ADAM10: variants seen among roughly 807,000 people sequenced by gnomAD.
The protein encoded by ADAM10 is disintegrin and metalloproteinase domain-containing protein 10.
A neutral mutation model predicts 90.1 loss-of-function variants in ADAM10; 17 were observed. The observed-to-expected ratio is 0.19, with a 90% CI of 0.13 to 0.28. The LOEUF is 0.28. Ranked by LOEUF, ADAM10 falls within the 10% of genes least tolerant of loss-of-function variation. ADAM10 has a pLI of 1.00. For missense variants in ADAM10, 610 were observed against 914.3 expected, an observed-to-expected ratio of 0.67 and a Z score of 4.29; for synonymous variants, 310 against 298.6, an observed-to-expected ratio of 1.04 and a Z score of -0.40.
chr15:58,664,984 C>T (rs537861179), intron 5 of ADAM10, 113 bp downstream of exon 5: 1 of 859,440 alleles, frequency 1.2e-6, no homozygotes, highest in South Asian at 1.4e-5. Flanking sequence ...AAAAACATTC[C>T]CCACAGTGGT....
chr15:58,737,544 T>G (rs1899471028), intron 1 of ADAM10, among the ~76,000 whole-genome samples: 1 of 152,136 alleles, frequency 6.6e-6, no homozygotes, highest in African/African-American at 2.4e-5. Flanking sequence ...CCCTCCCTGA[T>G]CCTCCTCTCT....
intron 1 of ADAM10, among the ~76,000 whole-genome samples, chr15:58,745,742 CAAAAA>C (rs1899770720): frequency 6.6e-6 from 1 of 151,992 alleles, no homozygotes. Flanking sequence ...AAGCAGGTAA[CAAAAA>C]TGAGTGAAAA....
At position 58,643,929 on chromosome 15, in the gene ADAM10, A is replaced by C; in HGVS notation, c.785T>G (p.Phe262Cys). The change falls in exon 7 of 16, where the codon TTC (phenylalanine) becomes TGC (cysteine). Residue 262 changes from phenylalanine (F) to cysteine (C), a missense_variant. Transcript: ENST00000260408. ...AIDTIYQTTDFSGIRNISFMV... is the reference protein window; with the variant it reads ...AIDTIYQTTDCSGIRNISFMV... ...GAAACTGATGTTACGGATTCCGGAG[A>C]AGTCTGTGGTCTGGTAAATTGTATC... 1 of 1,613,654 alleles carries C rather than the reference A, an allele frequency of 6.2e-7. No individual in the cohort carries two copies.
At chr15:58,688,624 T>G (rs1897676357) in intron 2 of ADAM10, among the ~76,000 whole-genome samples, 1 of 148,152 alleles carries the variant, frequency 6.7e-6, no homozygotes, top group South Asian at 2.1e-4. Context: ...GGGGAAAATA[T>G]AAGCACAATA....
intron 2 of ADAM10, among the ~76,000 whole-genome samples, chr15:58,688,824 G>A (rs1375014047): frequency 7.2e-6 from 1 of 138,220 alleles, no homozygotes; most frequent in African/African-American, 2.8e-5. Context: ...GAGCAGATGA[G>A]ATACTGCAAG....
intron 12 of ADAM10, chr15:58,611,573 C>T: frequency 2.1e-6 from 1 of 483,210 alleles, no homozygotes; most frequent in Non-Finnish European, 3.6e-6. Flanking sequence ...AATCACATGC[C>T]GAGTTGTACA....
intron 2 of ADAM10, among the ~76,000 whole-genome samples, chr15:58,716,041 G>C (rs949699379): frequency 6.6e-6 from 1 of 152,044 alleles, no homozygotes; most frequent in Non-Finnish European, 1.5e-5. Context: ...AAAAGACCCT[G>C]AAATAAATCT....
At chr15:58,714,769 A>G (rs542613668) in intron 2 of ADAM10, among the ~76,000 whole-genome samples, 39 of 152,184 alleles carry the variant, frequency 2.6e-4, no homozygotes, top group African/African-American at 9.4e-4. Flanking sequence ...TTATTAACAA[A>G]TAATAAATAA....
At chr15:58,682,386 T>C in intron 2 of ADAM10, 72 bp from the exon 3 acceptor site, 1 of 1,552,400 alleles carries the variant, frequency 6.4e-7, no homozygotes, top group South Asian at 1.2e-5. Flanking sequence ...TATTTTTTAT[T>C]TTAAAAAGTC....
intron 2 of ADAM10, among the ~76,000 whole-genome samples, chr15:58,708,086 C>T (rs896815289): frequency 6.6e-6 from 1 of 151,452 alleles, no homozygotes; most frequent in Non-Finnish European, 1.5e-5. Context: ...CAAAAAAAAA[C>T]AAAAACAAAA....
chr15:58,627,480 G>A (rs751838561), intron 10 of ADAM10, among the ~76,000 whole-genome samples: 2 of 152,096 alleles, frequency 1.3e-5, no homozygotes, highest in African/African-American at 4.8e-5. Context: ...AAAATGTTTA[G>A]GTGTGAAGTA....
At position 58,646,123 on chromosome 15, in the gene ADAM10, G is replaced by C. The variant is rs771723938; in HGVS notation, c.667C>G (p.Gln223Glu). 2 of 1,613,696 alleles carry C rather than the reference G, an allele frequency of 1.2e-6. No individual in the cohort carries two copies. The highest frequency in any genetic ancestry group is 1.7e-6 in the Non-Finnish European group (2 of 1,179,810). Residue 223 changes from glutamine to glutamate, a missense_variant, in exon 6 of 16, where the codon CAG becomes GAG. Gln to Glu is a conservative substitution (Grantham distance 29). Transcript: ENST00000260408. ...RTTSAEKNTC[Q>E]LYIQTDHLFF... is the part of the protein sequence containing the mutation. ...AAATGATCAGTCTGAATATAAAGCT[G>C]ACAAGTATTTTTTTCAGCTGAAGTT... is the stretch of plus-strand genomic sequence containing the variant.
intron 6 of ADAM10, 99 bp from the exon 7 acceptor site, chr15:58,644,077 A>T: frequency 1.1e-6 from 1 of 870,296 alleles, no homozygotes; most frequent in Non-Finnish European, 1.9e-6. Context: ...ATGTCCTGCC[A>T]CATTCAAATT....
At chr15:58,669,734 T>C (rs957158928) in intron 4 of ADAM10, among the ~76,000 whole-genome samples, 1 of 152,248 alleles carries the variant, frequency 6.6e-6, no homozygotes, top group Admixed American at 6.5e-5. Context: ...AAAATGTCCA[T>C]TAACAGGCAA....
chr15:58,621,530 G>A lies in ADAM10; in HGVS notation c.1452C>T (p.Cys484=). 1.2e-6 allele frequency: 2 copies of A among 1,614,106 alleles called. No homozygotes were observed. The highest frequency in any genetic ancestry group is 1.1e-5 in the South Asian group (1 of 91,080). The change falls in exon 11 of 16, where the codon TGC becomes TGT. Residue 484 remains cysteine (C), a synonymous_variant. Transcript: ENST00000260408. The part of the protein sequence containing the change: ...GYSDQCKDEC[C]FDANQPEGRK... ...TTCCCTCTGGTTGATTTGCATCGAA[G>A]CAGCATTCATCTTTACACTGGTCAC...
intron 1 of ADAM10, among the ~76,000 whole-genome samples, chr15:58,728,436 GA>G (rs1899114101): frequency 6.6e-6 from 1 of 151,918 alleles, no homozygotes; most frequent in Non-Finnish European, 1.5e-5. Flanking sequence ...AAGCTGACTA[GA>G]TTTTTTTTTA....
At chr15:58,687,039 G>C (rs773493315) in intron 2 of ADAM10, among the ~76,000 whole-genome samples, 11 of 152,132 alleles carry the variant, frequency 7.2e-5, no homozygotes, top group Non-Finnish European at 1.3e-4. Flanking sequence ...GTTGTTCCTG[G>C]AAGATATTTA....
chr15:58,717,901 G>A (rs1237539141), intron 1 of ADAM10, among the ~76,000 whole-genome samples, 174 bp from the exon 2 acceptor site: 13 of 152,246 alleles, frequency 8.5e-5, no homozygotes, highest in Admixed American at 2.6e-4. Flanking sequence ...TATTGTGAGG[G>A]TAATTCCAAC....
intron 2 of ADAM10, among the ~76,000 whole-genome samples, chr15:58,690,792 C>G (rs558031849): frequency 6.6e-6 from 1 of 152,232 alleles, no homozygotes; most frequent in African/African-American, 2.4e-5. Flanking sequence ...TCAGGAACAG[C>G]AGCACTGAGT....
Sources: allele counts gnomAD v4.1 joint callset (sites outside exome capture counted in the v4.1 genomes callset), GRCh38; gene constraint gnomAD v4.1.1; transcripts MANE v1.5; gene names NCBI Gene and HGNC (gene_info 2026-07-23, HGNC 2026-07-21).